FSTL5: variants seen among roughly 807,000 people sequenced by gnomAD.
FSTL5 encodes the protein follistatin-related protein 5.
FSTL5 carries 62 observed loss-of-function variants against 89.1 expected under a neutral mutation model. The observed-to-expected ratio is 0.70, with a 90% CI of 0.57 to 0.86. The LOEUF is 0.86. Among genes scored for constraint, FSTL5 ranks in the 40% least tolerant of loss-of-function variants. The probability of loss-of-function intolerance (pLI) is 0.00; values close to 1 mark genes in which losing one functional copy is unlikely to be tolerated. For missense variants in FSTL5, 1,057 were observed against 1,001.6 expected, an observed-to-expected ratio of 1.06 and a Z score of -0.75; for synonymous variants, 383 against 346.2, an observed-to-expected ratio of 1.11 and a Z score of -1.18.
chr4:162,116,939 C>G (rs1208433852), intron 1 of FSTL5, among the ~76,000 whole-genome samples: 1 of 152,126 alleles, frequency 6.6e-6, no homozygotes, highest in Non-Finnish European at 1.5e-5. Context: ...TGCAATTTTT[C>G]TGTATCTTTC....
chr4:161,393,618 T>A (rs1194609162), intron 15 of FSTL5, among the ~76,000 whole-genome samples: 1 of 152,108 alleles, frequency 6.6e-6, no homozygotes, highest in Middle Eastern at 3.2e-3. Context: ...AAAGGGCAAA[T>A]TCTAATTGGA....
chr4:161,791,023 G>A (rs1274407645), intron 4 of FSTL5, among the ~76,000 whole-genome samples: 1 of 151,970 alleles, frequency 6.6e-6, no homozygotes, highest in African/African-American at 2.4e-5. Flanking sequence ...AAAACAGCAA[G>A]ATGCATGAGG....
At chr4:161,686,327 TATATATATATATATATATA>T (rs1438294699) in intron 6 of FSTL5, among the ~76,000 whole-genome samples, 125 of 8,160 alleles carry the variant, frequency 0.015, no homozygotes, top group South Asian at 0.03. Context: ...TATATATATA[TATATATATATATATATATA>T]TTTTTTTTTT....
chr4:161,386,762 C>G (rs1328962725), intron 15 of FSTL5: 1 of 290,564 alleles, frequency 3.4e-6, no homozygotes, highest in East Asian at 8.4e-5. Context: ...ATACATTATT[C>G]TGTAAGTCTC....
intron 8 of FSTL5, among the ~76,000 whole-genome samples, chr4:161,557,460 C>A (rs1438433549): frequency 1.3e-5 from 2 of 151,536 alleles, no homozygotes; most frequent in African/African-American, 4.8e-5. Context: ...TTAGAATATT[C>A]CCTAACTTGA....
At chr4:161,562,289 C>T (rs779803794) in intron 8 of FSTL5, among the ~76,000 whole-genome samples, 7 of 152,038 alleles carry the variant, frequency 4.6e-5, no homozygotes, top group East Asian at 1.9e-4. Context: ...GTTCTTCACA[C>T]GCAGGATGAT....
At chr4:161,792,386 A>G (rs1364651043) in intron 4 of FSTL5, among the ~76,000 whole-genome samples, 1 of 152,148 alleles carries the variant, frequency 6.6e-6, no homozygotes, top group Non-Finnish European at 1.5e-5. Flanking sequence ...TGGCAGGTTG[A>G]TGACGGCAAA....
chr4:161,396,487 C>CA (rs539749954), intron 15 of FSTL5, among the ~76,000 whole-genome samples: 12,298 of 106,746 alleles, frequency 0.12, 647 homozygotes, highest in Non-Finnish European at 0.16. Context: ...ACTAAAAATA[C>CA]AAAAAAAAAA....
At chr4:161,943,239 C>T (rs925644852) in intron 3 of FSTL5, among the ~76,000 whole-genome samples, 2 of 151,834 alleles carry the variant, frequency 1.3e-5, no homozygotes, top group Non-Finnish European at 2.9e-5. Flanking sequence ...ATTAAGACTG[C>T]AATACTACCC....
In FSTL5 at chr4:161,973,889, T is replaced by G. The variant is rs148944864; in HGVS notation, c.161-53237A>C. Among the ~76,000 whole-genome samples, 1,222 of 152,240 alleles carry G rather than the reference T, an allele frequency of 8.0e-3. 27 individuals are homozygous for G. The highest frequency in any genetic ancestry group is 0.028 in the African/African-American group (1,151 of 41,538). On this transcript the variant is annotated intron_variant, in intron 3 of 15. Coordinates refer to ENST00000306100, the MANE Select transcript of FSTL5 (RefSeq NM_020116.5). ...GTCTCAGCCCAAAATCTCCTTAAGC[T>G]GATAAGGAACTTCAGCAAAGTCTCA...
intron 10 of FSTL5, among the ~76,000 whole-genome samples, chr4:161,521,576 C>T (rs77524933): frequency 0.15 from 22,439 of 151,946 alleles, 2,153 homozygotes; most frequent in East Asian, 0.37. Context: ...TGGCCGGGCG[C>T]GGTGGCTCAT....
intron 4 of FSTL5, among the ~76,000 whole-genome samples, chr4:161,915,408 C>CA (rs910788901): frequency 1.3e-5 from 2 of 151,772 alleles, no homozygotes; most frequent in African/African-American, 4.8e-5. Context: ...TCTAATATCC[C>CA]AAAATCCCAA....
intron 2 of FSTL5, among the ~76,000 whole-genome samples, chr4:162,096,554 TAA>T (rs1166927429): frequency 6.6e-6 from 1 of 151,774 alleles, no homozygotes; most frequent in East Asian, 1.9e-4. Context: ...AAGCTCAACA[TAA>T]AACAGAATGA....
chr4:161,801,184 A>C (rs1729779497), intron 4 of FSTL5, among the ~76,000 whole-genome samples: 1 of 151,630 alleles, frequency 6.6e-6, no homozygotes, highest in Non-Finnish European at 1.5e-5. Context: ...TTTGTTGTTC[A>C]TGCATTTATT....
chr4:161,466,804 G>GTAC, intron 13 of FSTL5, among the ~76,000 whole-genome samples: 1 of 152,088 alleles, frequency 6.6e-6, no homozygotes, highest in East Asian at 1.9e-4. Flanking sequence ...TTTAGCTGCA[G>GTAC]ATAAAAATGA....
intron 1 of FSTL5, among the ~76,000 whole-genome samples, chr4:162,135,641 C>T (rs778408324): frequency 1.3e-5 from 2 of 151,982 alleles, no homozygotes; most frequent in Non-Finnish European, 2.9e-5. Flanking sequence ...TCTCATCTGC[C>T]TTGGCTTTTC....
intron 6 of FSTL5, 57 bp downstream of exon 6, chr4:161,759,354 G>C: frequency 1.3e-6 from 2 of 1,520,502 alleles, no homozygotes; most frequent in Non-Finnish European, 1.8e-6. Flanking sequence ...AGACCATATT[G>C]TGTAAAGCAA....
At chr4:161,975,609 G>A (rs188451129) in intron 3 of FSTL5, among the ~76,000 whole-genome samples, 130 of 151,050 alleles carry the variant, frequency 8.6e-4, no homozygotes, top group African/African-American at 3.1e-3. Flanking sequence ...GTGGTGGGGT[G>A]GGGGGAGTGG....
At chr4:161,988,900 T>G (rs2111070208) in intron 3 of FSTL5, among the ~76,000 whole-genome samples, 1 of 152,276 alleles carries the variant, frequency 6.6e-6, no homozygotes. Flanking sequence ...CAAGTAGCCC[T>G]TTCTTCAAAC....
Sources: allele counts gnomAD v4.1 joint callset (sites outside exome capture counted in the v4.1 genomes callset), GRCh38; gene constraint gnomAD v4.1.1; transcripts MANE v1.5; gene names NCBI Gene and HGNC (gene_info 2026-07-23, HGNC 2026-07-21).